The following TIRAP variants were observed in gnomAD, a reference collection of about 807,000 sequenced individuals.
TIRAP encodes the protein TIR domain containing adaptor protein, also known as toll/interleukin-1 receptor domain-containing adapter protein.
In TIRAP, 20 loss-of-function variants were observed where a neutral mutation model predicts 19.8. The ratio of observed to expected loss-of-function variants is 1.01; its 90% CI spans 0.71 to 1.47. TIRAP has a LOEUF of 1.47. Among genes scored for constraint, TIRAP ranks in the 40% most tolerant of loss-of-function variants. The pLI is 0.00. For synonymous variants in TIRAP, 125 were observed against 121.7 expected (o/e 1.03, Z -0.18); for missense variants, 276 against 285.1 (o/e 0.97, Z 0.23).
chr11:126,284,642 T>C (rs1591371076), intron 1 of TIRAP, among the ~76,000 whole-genome samples: 1 of 151,770 alleles, frequency 6.6e-6, no homozygotes, highest in East Asian at 1.9e-4. Context: ...GATTACGAGG[T>C]CAGGAGTTCG....
intron 4 of TIRAP, 193 bp from the exon 5 acceptor site, chr11:126,293,475 G>A (rs1951434210): frequency 1.3e-6 from 1 of 749,042 alleles, no homozygotes; most frequent in Non-Finnish European, 2.4e-6. Flanking sequence ...TGCCAGGAGG[G>A]ACATTGGTTT....
rs999601740 is a variant in TIRAP at position 126,294,719 on chromosome 11, A to C, written c.*1032A>C. ...TTGTGCCCCCCTCTCACTTCTCCCT[A>C]TCATGACCCCTCTTTTGCTGAAAAA... On this transcript the variant is annotated 3_prime_UTR_variant, in exon 5 of 5. Transcript: ENST00000392679. 3.2e-6 allele frequency: 1 copy of C among 307,994 alleles called. No homozygotes were observed. The highest frequency in any genetic ancestry group is 6.5e-6 in the Non-Finnish European group (1 of 154,144). 19.1% of individuals were successfully genotyped at this position (307,994 alleles called of 1,614,324 possible). A position where few individuals can be genotyped will look rare whatever the true frequency, so the allele number is the denominator to read the frequency against.
intron 4 of TIRAP, chr11:126,293,368 A>T (rs1236662681): frequency 1.4e-6 from 1 of 706,966 alleles, no homozygotes; most frequent in African/African-American, 1.7e-5. Context: ...CGCCTAGCAC[A>T]AATCAGGTCC....
rs566722631 is a variant in TIRAP at position 126,288,273 on chromosome 11, C to T, written c.-216-2189C>T. Among the ~76,000 whole-genome samples the T allele has an allele frequency of 2.0e-5, 3 of 152,314 alleles. No homozygotes were observed. The highest frequency in any genetic ancestry group is 1.9e-4 in the East Asian group (1 of 5,192). On this transcript the variant is annotated intron_variant, in intron 1 of 4. Coordinates refer to ENST00000392679, the MANE Select transcript of TIRAP (RefSeq NM_001318777.2). The surrounding 1 kb of genome is among the most constrained non-coding windows in gnomAD (Gnocchi z 5.0). The stretch of plus-strand genomic sequence containing the variant: ...GAATTTTTTCAAAGCACAAAGAAAG[C>T]GACTGCGTATTAGACCACACAGCAA...
In TIRAP at chr11:126,287,977, C is replaced by T. The variant is rs1951340390; in HGVS notation, c.-216-2485C>T. ...ACCTGTCGGCCAGGCTGGTCTTGAA[C>T]TCCTGAGCTCACATGATCTGCCCAC... On this transcript the variant is annotated intron_variant, in intron 1 of 4. Transcript: ENST00000392679. This position sits in a 1 kb window ranked among gnomAD's most constrained non-coding sequence, Gnocchi z 4.2. Among the ~76,000 whole-genome samples, 1 of 151,742 alleles carries T rather than the reference C, an allele frequency of 6.6e-6. No homozygotes were observed. Among genetic ancestry groups the T allele is most frequent in the Non-Finnish European group, 1.5e-5 (1 of 67,930 alleles).
rs1241228892 is a variant in TIRAP, at chr11:126,291,828, T to C, written c.68-649T>C. Among the ~76,000 whole-genome samples, 2 of 151,684 alleles carry C rather than the reference T, an allele frequency of 1.3e-5. No homozygotes were observed. Among genetic ancestry groups the C allele is most frequent in the Non-Finnish European group, 1.5e-5 (1 of 67,954 alleles). On this transcript the variant is annotated intron_variant, in intron 3 of 4. Transcript: ENST00000392679. This position sits in a 1 kb window ranked among gnomAD's most constrained non-coding sequence, Gnocchi z 5.6. ...CCGGTGGTTGACTAGTCAGCTCTAG[T>C]GGGAAGTTCTGCTTAAGGTGGGCTG...
At chr11:126,289,741 AG>A in intron 1 of TIRAP, 1 of 985,450 alleles carries the variant, frequency 1.0e-6, no homozygotes, top group Non-Finnish European at 1.2e-6. Flanking sequence ...AGAATACTAC[AG>A]CCCCCACAGG....
In TIRAP at chr11:126,292,631, G is replaced by A. The variant is rs201689745; in HGVS notation, c.222G>A (p.Ala74=). The change falls in exon 4 of 5, where the codon GCG becomes GCA. Residue 74 remains alanine (A), a synonymous_variant. Transcript: ENST00000392679. ...VTSPSLPPTH[A]SDSGSSRWSK... ...CTCCCAGCCTGCCACCCACACATGC[G>A]AGTGACAGTGGCAGTAGTCGCTGGA... is the stretch of plus-strand genomic sequence containing the variant. 18 of 1,614,040 alleles carry A rather than the reference G, an allele frequency of 1.1e-5. No homozygotes were observed. The highest frequency in any genetic ancestry group is 8.3e-5 in the Admixed American group (5 of 60,008).
chr11:126,294,047 G>A lies in TIRAP; in HGVS notation c.*360G>A, dbSNP rs868391437. 3.9e-5 allele frequency: 12 copies of A among 308,546 alleles called. No individual in the cohort carries two copies. Among genetic ancestry groups the A allele is most frequent in the Middle Eastern group, 1.0e-3 (1 of 958 alleles). The allele number at this position is 308,546 out of a possible 1,614,324, so 19.1% of individuals were successfully genotyped here. ...GACTCATCTCCTGCCTAACTGGACA[G>A]GAAGCCTGGCACCCACTTCTGTCTT... On this transcript the variant is annotated 3_prime_UTR_variant, in exon 5 of 5. Transcript: ENST00000392679.
Position 126,292,627 on chromosome 11 carries a change from A to T in TIRAP, c.218A>T (p.His73Leu), listed in dbSNP as rs1169097299. 1 of 1,614,156 alleles carries T rather than the reference A, an allele frequency of 6.2e-7. No individual in the cohort carries two copies. Among genetic ancestry groups the T allele is most frequent in the Non-Finnish European group, 8.5e-7 (1 of 1,180,016 alleles). ...ACGTCTCCCAGCCTGCCACCCACACATGCGAGTGACAGTGGCAGTAGTCGC... is the reference window on the plus strand; with the variant it reads ...ACGTCTCCCAGCCTGCCACCCACACTTGCGAGTGACAGTGGCAGTAGTCGC... ...SVTSPSLPPT[H>L]ASDSGSSRWS... Residue 73 changes from histidine (H) to leucine (L), a missense_variant, in exon 4 of 5, where the codon CAT becomes CTT. His to Leu is a moderately conservative substitution (Grantham distance 99). Coordinates refer to ENST00000392679, the MANE Select transcript of TIRAP (RefSeq NM_001318777.2).
chr11:126,293,677 C>T lies in TIRAP; in HGVS notation c.656C>T (p.Thr219Ile). The T allele has an allele frequency of 3.1e-6, 5 of 1,614,176 alleles. No homozygotes were observed. The highest frequency in any genetic ancestry group is 4.2e-6 in the Non-Finnish European group (5 of 1,180,018). The change falls in exon 5 of 5, where the codon ACA becomes ATA. Residue 219 changes from threonine (T) to isoleucine (I), a missense_variant. Physicochemically the swap from Thr to Ile is moderately conservative, Grantham distance 89. Transcript: ENST00000392679. ...GATTGGTCTCTTTCAGATCTGCAGA[C>T]ACTCAGTTGACACTTGTTATATCAT... ...VKEAVMRYLQTLS is the reference protein window; with the variant it reads ...VKEAVMRYLQILS
At position 126,291,468 on chromosome 11, in the gene TIRAP, C is replaced by G. The variant is rs748844777; in HGVS notation, c.67+507C>G. On this transcript the variant is annotated intron_variant, in intron 3 of 4. Transcript: ENST00000392679. The surrounding 1 kb of genome is among the most constrained non-coding windows in gnomAD (Gnocchi z 5.6). ...TGCTGAAGAAGCCCAAGAAGAGGCC[C>G]GGCTCCCTGACATACCTGACACTGC... The G allele has an allele frequency of 2.3e-6, 3 of 1,298,640 alleles. No homozygotes were observed. The allele number at this position is 1,298,640 out of a possible 1,614,324, so 80.4% of individuals were successfully genotyped here.
At position 126,291,054 on chromosome 11, in the gene TIRAP, C is replaced by CA; in HGVS notation, c.67+94dup. 1 of 1,425,614 alleles carries CA rather than the reference C, an allele frequency of 7.0e-7. No homozygotes were observed. The highest frequency in any genetic ancestry group is 9.4e-7 in the Non-Finnish European group (1 of 1,060,314). The allele number at this position is 1,425,614 out of a possible 1,614,324, so 88.3% of individuals were successfully genotyped here. ...GTGGGAGGCCTGCCTGGTCCAAACT[C>CA]AGAGAGACGCAGGAAGGCTGACGTG... On this transcript the variant is annotated intron_variant, in intron 3 of 4. Transcript: ENST00000392679. The surrounding 1 kb of genome is among the most constrained non-coding windows in gnomAD (Gnocchi z 5.6).
chr11:126,284,023 T>A (rs1565362215), intron 1 of TIRAP, among the ~76,000 whole-genome samples: 1 of 148,836 alleles, frequency 6.7e-6, no homozygotes. Context: ...GAATCATATA[T>A]CATGTACTTC....
intron 1 of TIRAP, among the ~76,000 whole-genome samples, chr11:126,283,498 C>T (rs1951280478): frequency 6.6e-6 from 1 of 152,248 alleles, no homozygotes; most frequent in Non-Finnish European, 1.5e-5. Context: ...ACGTTCTTCT[C>T]TGCTCCGGTC....
rs766197557 is a variant in TIRAP at position 126,290,691 on chromosome 11, A to G, written c.-93+106A>G. Reference sequence around the variant, plus strand: ...GAGGAATGAAAGACCCATTTAGAGAAGAAGCCTCTGTCAGGCATTAGGAGA... The same window carrying G: ...GAGGAATGAAAGACCCATTTAGAGAGGAAGCCTCTGTCAGGCATTAGGAGA... On this transcript the variant is annotated intron_variant, in intron 2 of 4. Transcript: ENST00000392679. The surrounding 1 kb of genome is among the most constrained non-coding windows in gnomAD (Gnocchi z 4.9). 2.5e-4 allele frequency: 345 copies of G among 1,364,552 alleles called. 1 individual carries two copies. In the Middle Eastern group the frequency reaches 6.3e-3, roughly 25 times the overall value. The allele number at this position is 1,364,552 out of a possible 1,614,324, so 84.5% of individuals were successfully genotyped here.
chr11:126,283,743 T>A (rs1951283301), intron 1 of TIRAP, among the ~76,000 whole-genome samples: 1 of 151,990 alleles, frequency 6.6e-6, no homozygotes, highest in African/African-American at 2.4e-5. Context: ...ACCCTAGAAG[T>A]GCAACAGAGA....
At chr11:126,286,362 G>GA (rs1214140224) in intron 1 of TIRAP, among the ~76,000 whole-genome samples, 36 of 151,014 alleles carry the variant, frequency 2.4e-4, no homozygotes, top group Admixed American at 5.3e-4. Context: ...GAGTCTGTCT[G>GA]AAAAAAAAAG....
chr11:126,292,027 T>C (rs1951395718), intron 3 of TIRAP, among the ~76,000 whole-genome samples: 1 of 151,946 alleles, frequency 6.6e-6, no homozygotes, highest in African/African-American at 2.4e-5. Context: ...AGCAGAGTGC[T>C]GGGCACAGTG....
Sources: allele counts gnomAD v4.1 joint callset (sites outside exome capture counted in the v4.1 genomes callset), GRCh38; gene constraint gnomAD v4.1.1; non-coding constraint Gnocchi (gnomAD v3.1); transcripts MANE v1.5; gene names NCBI Gene and HGNC (gene_info 2026-07-23, HGNC 2026-07-21).